The following PBX1 variants were observed in gnomAD, a reference collection of about 807,000 sequenced individuals.
PBX1 encodes the protein PBX homeobox 1, also known as pre-B-cell leukemia transcription factor 1.
PBX1 carries 6 observed loss-of-function variants against 53.4 expected under a neutral mutation model. The observed-to-expected ratio is 0.11, with a 90% confidence interval of 0.06 to 0.22. The LOEUF (loss-of-function observed/expected upper bound fraction) is 0.22. PBX1 is among the 10% of genes least tolerant of loss of function. The probability of loss-of-function intolerance (pLI) is 1.00; values close to 1 mark genes in which losing one functional copy is unlikely to be tolerated. For synonymous variants in PBX1, 204 were observed against 212.3 expected (o/e 0.96, Z 0.34); for missense variants, 251 against 551.4 (o/e 0.46, Z 5.46).
rs1012311410 is a variant in PBX1, at chr1:164,849,342, C to A, written c.*2666C>A. The A allele has an allele frequency of 7.2e-6, 11 of 1,535,644 alleles. No homozygotes were observed. Among genetic ancestry groups the A allele is most frequent in the Non-Finnish European group, 9.6e-6 (11 of 1,146,780 alleles). ...CACTTAGTCTTCTCTATACCCAGCA[C>A]CTCCCCCGGCACCCCCGGCAAGCCC... On this transcript the variant is annotated 3_prime_UTR_variant, in exon 9 of 9. Coordinates refer to ENST00000420696, the MANE Select transcript of PBX1 (RefSeq NM_002585.4).
intron 2 of PBX1, among the ~76,000 whole-genome samples, chr1:164,759,003 T>C (rs991609086): frequency 6.6e-6 from 1 of 152,182 alleles, no homozygotes; most frequent in Non-Finnish European, 1.5e-5. Flanking sequence ...CCCTTGGAGA[T>C]AGTAACTGTA....
chr1:164,812,259 A>T (rs561656893), intron 6 of PBX1, 110 bp downstream of exon 6: 1 of 1,013,346 alleles, frequency 9.9e-7, no homozygotes, highest in Admixed American at 3.1e-5. Context: ...TGATTGGTTA[A>T]TTTCTGTATT....
At chr1:164,818,503 G>T (rs1669983616) in intron 6 of PBX1, 1 of 152,120 alleles carries the variant, frequency 6.6e-6, no homozygotes, top group Non-Finnish European at 1.5e-5. Context: ...AACCCCCAAA[G>T]AAAGCATTTA....
intron 8 of PBX1, among the ~76,000 whole-genome samples, chr1:164,845,215 C>A (rs556460233): frequency 6.6e-6 from 1 of 152,008 alleles, no homozygotes; most frequent in Non-Finnish European, 1.5e-5. Context: ...GGTTGAAAAG[C>A]GCAGAGAAAA....
chr1:164,717,250 C>A (rs569644741), intron 2 of PBX1, among the ~76,000 whole-genome samples: 33 of 152,080 alleles, frequency 2.2e-4, no homozygotes, highest in Non-Finnish European at 4.4e-4. Context: ...ATGGCATTGG[C>A]ATTAAGGTTC....
intron 2 of PBX1, among the ~76,000 whole-genome samples, chr1:164,653,384 A>G (rs1350072872): frequency 6.6e-6 from 1 of 151,350 alleles, no homozygotes; most frequent in Non-Finnish European, 1.5e-5. Context: ...ATAATTTAGT[A>G]TGTAAGATAC....
At chr1:164,844,309 C>T (rs1571516687) in intron 8 of PBX1, among the ~76,000 whole-genome samples, 1 of 152,016 alleles carries the variant, frequency 6.6e-6, no homozygotes, top group Non-Finnish European at 1.5e-5. Flanking sequence ...CCCAGTGTGA[C>T]GTGCTTCCTC....
chr1:164,559,633 T>A lies in PBX1; in HGVS notation c.-190T>A. On this transcript the variant is annotated 5_prime_UTR_variant, in exon 1 of 9. Transcript: ENST00000420696. ...TCACGCCCCCTCCCCCTCCCCCTCC[T>A]CATCCTCCCACCATCCTCTAAAGAG... is the stretch of plus-strand genomic sequence containing the variant. 1 of 272,112 alleles carries A rather than the reference T, an allele frequency of 3.7e-6. No individual in the cohort carries two copies. Among genetic ancestry groups the A allele is most frequent in the Non-Finnish European group, 6.9e-6 (1 of 145,604 alleles). 16.9% of individuals were successfully genotyped at this position (272,112 alleles called of 1,614,324 possible). A position where few individuals can be genotyped will look rare whatever the true frequency, so the allele number is the denominator to read the frequency against.
At chr1:164,838,365 T>C (rs1203971405) in intron 8 of PBX1, among the ~76,000 whole-genome samples, 1 of 152,194 alleles carries the variant, frequency 6.6e-6, no homozygotes, top group African/African-American at 2.4e-5. Flanking sequence ...GAGCTTGTCT[T>C]GTTCAAAACC....
At chr1:164,601,291 A>T (rs1160589470) in intron 2 of PBX1, among the ~76,000 whole-genome samples, 1 of 150,770 alleles carries the variant, frequency 6.6e-6, no homozygotes, top group Non-Finnish European at 1.5e-5. Context: ...TTAACCTGAG[A>T]TTAACCAGAT....
At chr1:164,790,373 C>T (rs1353993358) in intron 2 of PBX1, among the ~76,000 whole-genome samples, 2 of 152,194 alleles carry the variant, frequency 1.3e-5, no homozygotes, top group Non-Finnish European at 2.9e-5. Flanking sequence ...TCAATGACCT[C>T]CTAACCTTTT....
At chr1:164,746,765 T>C (rs1202758574) in intron 2 of PBX1, among the ~76,000 whole-genome samples, 1 of 152,160 alleles carries the variant, frequency 6.6e-6, no homozygotes, top group Non-Finnish European at 1.5e-5. Flanking sequence ...TAAAGCAGTT[T>C]TATATTGCTT....
intron 2 of PBX1, among the ~76,000 whole-genome samples, chr1:164,869,738 T>C (rs1672305206): frequency 6.6e-6 from 1 of 152,040 alleles, no homozygotes; most frequent in African/African-American, 2.4e-5. Context: ...AAGAAACAGG[T>C]GAATGTTTGG....
At chr1:164,698,467 G>C (rs1015694827) in intron 2 of PBX1, among the ~76,000 whole-genome samples, 4 of 152,186 alleles carry the variant, frequency 2.6e-5, no homozygotes, top group Admixed American at 2.6e-4. Flanking sequence ...ATTTTTAGCT[G>C]TTTTTCTTAT....
At chr1:164,870,234 C>T (rs1672322250) in intron 2 of PBX1, among the ~76,000 whole-genome samples, 4 of 45,660 alleles carry the variant, frequency 8.8e-5, no homozygotes, top group East Asian at 5.4e-4. Flanking sequence ...TCCTTCCTTC[C>T]TTCCTTCCTT....
At chr1:164,659,757 A>G (rs1660374018) in intron 2 of PBX1, among the ~76,000 whole-genome samples, 1 of 152,154 alleles carries the variant, frequency 6.6e-6, no homozygotes, top group African/African-American at 2.4e-5. Flanking sequence ...GAGGGAGCTA[A>G]GCAGAGAGAC....
At chr1:164,792,822 GC>G in intron 3 of PBX1, 84 bp downstream of exon 3, 1 of 1,037,604 alleles carries the variant, frequency 9.6e-7, no homozygotes, top group East Asian at 2.5e-5. Flanking sequence ...GCAGAGAGGA[GC>G]GGCTCACCTT....
At chr1:164,788,129 C>T (rs1668297052) in intron 2 of PBX1, among the ~76,000 whole-genome samples, 1 of 152,134 alleles carries the variant, frequency 6.6e-6, no homozygotes, top group South Asian at 2.1e-4. Context: ...AAGCAGGAAC[C>T]TGATCATATG....
chr1:164,736,762 G>A (rs1012487558), intron 2 of PBX1, among the ~76,000 whole-genome samples: 1 of 152,154 alleles, frequency 6.6e-6, no homozygotes, highest in East Asian at 1.9e-4. Context: ...GGGAAGGAGA[G>A]AGAACATGCA....
Sources: gnomAD v4.1 joint callset for allele counts (sites outside exome capture counted in the v4.1 genomes callset) on GRCh38, gnomAD v4.1.1 for gene constraint, MANE v1.5 for transcripts, NCBI Gene and HGNC (gene_info 2026-07-23, HGNC 2026-07-21) for gene names.